The following RASGEF1C variants were observed in gnomAD, a reference collection of about 807,000 sequenced individuals.
RASGEF1C encodes the protein ras-GEF domain-containing family member 1C.
A neutral mutation model predicts 58.1 loss-of-function variants in RASGEF1C; 27 were observed. The observed-to-expected ratio is 0.46, with a 90% CI of 0.34 to 0.64. The LOEUF (loss-of-function observed/expected upper bound fraction) is 0.64, where lower values mean the gene tolerates loss of function less well. Among genes scored for constraint, RASGEF1C ranks in the 30% least tolerant of loss-of-function variants. The pLI is 0.01. For missense variants in RASGEF1C, 502 were observed against 605.1 expected (o/e 0.83, Z 1.79); for synonymous variants, 243 against 246.3 (o/e 0.99, Z 0.13).
intron 1 of RASGEF1C, among the ~76,000 whole-genome samples, chr5:180,167,793 T>C (rs563831083): frequency 6.6e-6 from 1 of 152,364 alleles, no homozygotes; most frequent in African/African-American, 2.4e-5. Context: ...TTCTGAATGG[T>C]CTGCACATTT....
chr5:180,164,079 C>T (rs1342371987), intron 1 of RASGEF1C, among the ~76,000 whole-genome samples: 1 of 152,074 alleles, frequency 6.6e-6, no homozygotes, highest in Non-Finnish European at 1.5e-5. Context: ...TCGTGATATC[C>T]CCACTTTCAT....
chr5:180,180,894 T>C (rs1007074671), intron 1 of RASGEF1C, among the ~76,000 whole-genome samples: 5 of 152,218 alleles, frequency 3.3e-5, no homozygotes, highest in African/African-American at 4.8e-5. Flanking sequence ...CACTAACCCT[T>C]TAATTTCAAT....
Position 180,153,005 on chromosome 5 carries a change from G to C in RASGEF1C, c.-6-14947C>G, listed in dbSNP as rs1329578078. On this transcript the variant is annotated intron_variant, in intron 1 of 13. Transcript: ENST00000361132. Reference sequence around the variant, plus strand: ...TAAGTCTTCTTGGGTCTTTTTTGAGGCTGTACCTTTCCCAGGGAAATTGCA... The same window carrying C: ...TAAGTCTTCTTGGGTCTTTTTTGAGCCTGTACCTTTCCCAGGGAAATTGCA... Among the ~76,000 whole-genome samples the C allele has an allele frequency of 1.3e-5, 2 of 151,928 alleles. 1 individual carries two copies. The highest frequency in any genetic ancestry group is 2.9e-5 in the Non-Finnish European group (2 of 68,010).
intron 1 of RASGEF1C, among the ~76,000 whole-genome samples, chr5:180,208,788 T>C (rs1756540448): frequency 6.6e-6 from 1 of 151,860 alleles, no homozygotes; most frequent in Non-Finnish European, 1.5e-5. Context: ...GCGGCAGAGC[T>C]GGGTCTCCCG....
chr5:180,172,188 T>C (rs1190851214), intron 1 of RASGEF1C, among the ~76,000 whole-genome samples: 4 of 152,186 alleles, frequency 2.6e-5, no homozygotes, highest in Non-Finnish European at 5.9e-5. Flanking sequence ...TTCCCTGTGA[T>C]GAGAGCACAG....
intron 1 of RASGEF1C, among the ~76,000 whole-genome samples, chr5:180,192,558 CAATT>C (rs998525239): frequency 5.3e-5 from 8 of 151,898 alleles, no homozygotes; most frequent in African/African-American, 1.7e-4. Context: ...ATATATAGAT[CAATT>C]ATTTCTCATG....
At chr5:180,127,341 G>C (rs1039950654) in intron 6 of RASGEF1C, among the ~76,000 whole-genome samples, 1 of 152,174 alleles carries the variant, frequency 6.6e-6, no homozygotes, top group Non-Finnish European at 1.5e-5. Context: ...CGCGGCCCAC[G>C]GCCTGGTTCC....
chr5:180,196,225 C>A (rs1010780338), intron 1 of RASGEF1C, among the ~76,000 whole-genome samples: 1 of 150,964 alleles, frequency 6.6e-6, no homozygotes, highest in Non-Finnish European at 1.5e-5. Flanking sequence ...CAGGGCCGGG[C>A]TCAGTGGCTC....
intron 4 of RASGEF1C, 111 bp from the exon 5 acceptor site, chr5:180,128,721 T>C: frequency 8.9e-7 from 1 of 1,121,844 alleles, no homozygotes; most frequent in Non-Finnish European, 1.3e-6. Context: ...CCTCAGGGTC[T>C]CTGGAGAAAA....
intron 4 of RASGEF1C, among the ~76,000 whole-genome samples, chr5:180,134,350 G>A (rs889584519): frequency 2.0e-5 from 3 of 151,996 alleles, no homozygotes; most frequent in Non-Finnish European, 4.4e-5. Flanking sequence ...AGGTGGATAG[G>A]TGCTACTAGT....
chr5:180,162,577 C>T (rs1166816965), intron 1 of RASGEF1C, among the ~76,000 whole-genome samples: 3 of 152,234 alleles, frequency 2.0e-5, no homozygotes, highest in Non-Finnish European at 4.4e-5. Flanking sequence ...CAACTCAAAG[C>T]CAGACAGCCC....
rs531783520 is a variant in RASGEF1C, at chr5:180,103,134, G to A, written c.1304-991C>T. ...GCTCTGTCGCCCAGGCTGGAGTGCA[G>A]TGGCGCGATCTCGGCTCACTGCAAG... On this transcript the variant is annotated intron_variant, in intron 12 of 13. Coordinates refer to ENST00000361132, the MANE Select transcript of RASGEF1C (RefSeq NM_175062.4). Among the ~76,000 whole-genome samples the A allele has an allele frequency of 1.4e-4, 22 of 152,274 alleles. No homozygotes were observed. In the South Asian group the frequency reaches 2.7e-3, roughly 19 times the overall value.
At chr5:180,107,590 T>TA (rs960702613) in intron 12 of RASGEF1C, among the ~76,000 whole-genome samples, 8 of 151,750 alleles carry the variant, frequency 5.3e-5, no homozygotes, top group East Asian at 1.9e-4. Context: ...TTTTAATATT[T>TA]AAAAAAAAAT....
At chr5:180,101,597 C>T (rs1765786080) in intron 13 of RASGEF1C, 72 bp from the exon 14 acceptor site, 3 of 1,573,892 alleles carry the variant, frequency 1.9e-6, no homozygotes, top group East Asian at 2.3e-5. Flanking sequence ...CTCTCCAGCA[C>T]AGCCACTTTC....
intron 1 of RASGEF1C, among the ~76,000 whole-genome samples, chr5:180,205,624 C>T (rs1756473622): frequency 6.6e-6 from 1 of 152,186 alleles, no homozygotes; most frequent in African/African-American, 2.4e-5. Flanking sequence ...AACTTGCCCA[C>T]CACATGTTAA....
intron 1 of RASGEF1C, among the ~76,000 whole-genome samples, chr5:180,147,601 A>T (rs890567676): frequency 1.3e-5 from 2 of 152,030 alleles, no homozygotes; most frequent in Non-Finnish European, 2.9e-5. Context: ...AAATTTGTGA[A>T]TTTTCCAGTT....
chr5:180,200,176 C>T (rs1756359111), intron 1 of RASGEF1C, among the ~76,000 whole-genome samples: 1 of 151,878 alleles, frequency 6.6e-6, no homozygotes, highest in Non-Finnish European at 1.5e-5. Context: ...AGGAGAATTG[C>T]TTGAACCGGG....
At chr5:180,142,703 G>C (rs1352776321) in intron 1 of RASGEF1C, among the ~76,000 whole-genome samples, 1 of 152,228 alleles carries the variant, frequency 6.6e-6, no homozygotes, top group African/African-American at 2.4e-5. Flanking sequence ...AGGAGAGAAA[G>C]GTGCGGATGG....
Position 180,103,183 on chromosome 5 carries a change from T to C in RASGEF1C, c.1304-1040A>G, listed in dbSNP as rs193131195. 8.4e-3 allele frequency among the ~76,000 whole-genome samples: 1,281 copies of C among 152,288 alleles called. 19 individuals carry two copies. The highest frequency in any genetic ancestry group is 8.5e-3 in the Non-Finnish European group (575 of 68,026). ...AGCTCTGCCTCCCGGGTTCACACCA[T>C]TCTCCTGCCTCACCCTCCCGAGTGG... On this transcript the variant is annotated intron_variant, in intron 12 of 13. Transcript: ENST00000361132.
Sources: gnomAD v4.1 joint callset for allele counts (sites outside exome capture counted in the v4.1 genomes callset) on GRCh38, gnomAD v4.1.1 for gene constraint, MANE v1.5 for transcripts, NCBI Gene and HGNC (gene_info 2026-07-23, HGNC 2026-07-21) for gene names.